Variants in OOSP1 observed in about 807,000 individuals in gnomAD.
OOSP1 encodes the protein oocyte secreted protein 1, also known as putative oocyte-secreted protein 1 homolog.
OOSP1 carries 11 observed loss-of-function variants against 5.7 expected under a neutral mutation model. The observed-to-expected ratio is 1.94, with a 90% CI of 1.22 to 3.20. The LOEUF (loss-of-function observed/expected upper bound fraction) is 3.20, where lower values mean the gene tolerates loss of function less well. OOSP1 is among the 30% of genes most tolerant of loss of function. The pLI is 0.00. For missense variants in OOSP1, 83 were observed against 54.1 expected, an observed-to-expected ratio of 1.53 and a Z score of -1.67; for synonymous variants, 44 against 20.0, an observed-to-expected ratio of 2.20 and a Z score of -3.20.
At chr11:59,945,377 A>G in intron 3 of OOSP1, 111 bp downstream of exon 3, 1 of 698,326 alleles carries the variant, frequency 1.4e-6, no homozygotes, top group South Asian at 1.5e-5. Context: ...GGAGTTGGGG[A>G]GACACCAAAC....
Position 59,947,880 on chromosome 11 carries a change from C to T in OOSP1, c.486+18C>T. 7.5e-6 allele frequency: 3 copies of T among 398,664 alleles called. No individual in the cohort carries two copies. The highest frequency in any genetic ancestry group is 4.4e-5 in the Admixed American group (1 of 22,722). The allele number at this position is 398,664 out of a possible 1,614,324, so 24.7% of individuals were successfully genotyped here. A position where few individuals can be genotyped will look rare whatever the true frequency, so the allele number is the denominator to read the frequency against. On this transcript the variant is annotated intron_variant, in intron 4 of 4. Coordinates refer to ENST00000646685, the Ensembl canonical transcript of OOSP1. ...CAATCTTGGTAAGAACCCTTCAAAA[C>T]TGGCATCTTATGATTTTTGTCCAGG...
At chr11:59,951,034 C>T (rs1377565966) in intron 4 of OOSP1, among the ~76,000 whole-genome samples, 4 of 151,664 alleles carry the variant, frequency 2.6e-5, no homozygotes, top group Non-Finnish European at 5.9e-5. Context: ...AGTAAAAAGT[C>T]CCAAACATTT....
intron 2 of OOSP1, among the ~76,000 whole-genome samples, chr11:59,944,520 T>C (rs998419702): frequency 6.6e-6 from 1 of 152,220 alleles, no homozygotes; most frequent in African/African-American, 2.4e-5. Context: ...TGGGTATCTC[T>C]GAATCATCAT....
exon 5 of OOSP1, chr11:59,957,447 C>CA (rs1854003639): frequency 1.3e-5 from 5 of 373,010 alleles, no homozygotes; most frequent in Non-Finnish European, 1.9e-5. Context: ...ATTGGATCTT[C>CA]AACCACCTAT....
intron 1 of OOSP1, among the ~76,000 whole-genome samples, chr11:59,940,852 A>C (rs151194332): frequency 6.6e-6 from 1 of 152,324 alleles, no homozygotes; most frequent in African/African-American, 2.4e-5. Context: ...ATTTTTAGGT[A>C]ATTGTAGATT....
rs539964725 is a variant in OOSP1 at position 59,956,622 on chromosome 11, A to G, written c.487-573A>G. Among the ~76,000 whole-genome samples, 69 of 152,244 alleles carry G rather than the reference A, an allele frequency of 4.5e-4. 1 individual carries two copies. The Middle Eastern group carries it at 0.027, about 60-fold the overall frequency. Reference sequence around the variant, plus strand: ...GCTTGGTTACATGAGTAAGTTCTTCAGTGGTGATTCGTGAGATTTTGGTGC... The same window carrying G: ...GCTTGGTTACATGAGTAAGTTCTTCGGTGGTGATTCGTGAGATTTTGGTGC... On this transcript the variant is annotated intron_variant, in intron 4 of 4. Transcript: ENST00000646685.
chr11:59,945,586 C>CAAA (rs530206371), intron 3 of OOSP1, among the ~76,000 whole-genome samples: 4 of 136,190 alleles, frequency 2.9e-5, no homozygotes, highest in African/African-American at 1.1e-4. Context: ...CTAAAAATAC[C>CAAA]AAAAAAAAAA....
chr11:59,951,786 T>A (rs1853943081), intron 4 of OOSP1, among the ~76,000 whole-genome samples: 1 of 146,820 alleles, frequency 6.8e-6, no homozygotes, highest in Non-Finnish European at 1.5e-5. Context: ...TTTTTTTTTT[T>A]TTTTTTTTTT....
At chr11:59,945,389 C>G (rs1178942601) in intron 3 of OOSP1, 123 bp downstream of exon 3, 2 of 696,830 alleles carry the variant, frequency 2.9e-6, no homozygotes, top group Non-Finnish European at 5.2e-6. Flanking sequence ...ACACCAAACC[C>G]TAATGGGAAC....
At chr11:59,939,452 A>G (rs543342602) in intron 1 of OOSP1, among the ~76,000 whole-genome samples, 63 of 152,170 alleles carry the variant, frequency 4.1e-4, no homozygotes, top group African/African-American at 1.3e-3. Flanking sequence ...GGGTTTTACC[A>G]TATTGGCCAG....
intron 4 of OOSP1, 74 bp from the exon 5 acceptor site, chr11:59,957,121 C>T (rs1336238435): frequency 7.6e-6 from 3 of 394,634 alleles, no homozygotes; most frequent in Non-Finnish European, 1.3e-5. Context: ...ACTTTGAATG[C>T]TTCTTTGAAT....
intron 4 of OOSP1, among the ~76,000 whole-genome samples, chr11:59,950,836 G>C (rs1853932957): frequency 6.6e-6 from 1 of 152,024 alleles, no homozygotes; most frequent in African/African-American, 2.4e-5. Flanking sequence ...GTCATTGTAG[G>C]GGAAAGTGGA....
chr11:59,955,923 TG>T (rs1243456802), intron 4 of OOSP1, among the ~76,000 whole-genome samples: 2 of 152,192 alleles, frequency 1.3e-5, no homozygotes, highest in South Asian at 4.1e-4. Flanking sequence ...TGGGCCACTG[TG>T]CCTGGCCAGA....
intron 3 of OOSP1, 110 bp downstream of exon 3, chr11:59,945,376 G>A (rs1156503717): frequency 2.4e-5 from 17 of 698,498 alleles, no homozygotes; most frequent in Non-Finnish European, 3.9e-5. Context: ...GGGAGTTGGG[G>A]AGACACCAAA....
At chr11:59,939,735 C>T (rs2134562256) in intron 1 of OOSP1, among the ~76,000 whole-genome samples, 1 of 150,604 alleles carries the variant, frequency 6.6e-6, no homozygotes, top group Middle Eastern at 3.4e-3. Flanking sequence ...TCTTCTTTTT[C>T]TCTTTTTTCT....
chr11:59,939,810 C>G (rs552438698), intron 1 of OOSP1, among the ~76,000 whole-genome samples: 51 of 149,906 alleles, frequency 3.4e-4, no homozygotes, highest in African/African-American at 1.1e-3. Context: ...TTTCTCTTCT[C>G]TTTCTCTTCT....
At chr11:59,945,507 C>T (rs1352967877) in intron 3 of OOSP1, among the ~76,000 whole-genome samples, 5 of 151,108 alleles carry the variant, frequency 3.3e-5, no homozygotes, top group South Asian at 2.1e-4. Context: ...TTTGGGAGGC[C>T]GAGGTGGGAG....
intron 4 of OOSP1, chr11:59,948,773 T>C: frequency 2.5e-6 from 1 of 398,174 alleles, no homozygotes. Context: ...AACTGTTCTG[T>C]CCCCTTTGAT....
intron 2 of OOSP1, among the ~76,000 whole-genome samples, chr11:59,944,526 A>G (rs1051205516): frequency 1.3e-5 from 2 of 152,164 alleles, no homozygotes; most frequent in African/African-American, 4.8e-5. Flanking sequence ...TCTCTGAATC[A>G]TCATATCCTC....
Sources: allele counts gnomAD v4.1 joint callset (sites outside exome capture counted in the v4.1 genomes callset), GRCh38; gene constraint gnomAD v4.1.1; transcripts MANE v1.5; gene names NCBI Gene and HGNC (gene_info 2026-07-23, HGNC 2026-07-21).